RFTN2: variants seen among roughly 807,000 people sequenced by gnomAD.
RFTN2 encodes the protein raftlin family member 2, also known as raftlin-2.
In RFTN2, 34 loss-of-function variants were observed where a neutral mutation model predicts 52.7. That is an observed-to-expected ratio of 0.64 (90% CI 0.49 to 0.86). The LOEUF (loss-of-function observed/expected upper bound fraction) is 0.86, where lower values mean the gene tolerates loss of function less well. Ranked by LOEUF, RFTN2 falls within the 40% of genes least tolerant of loss-of-function variation. RFTN2 has a pLI of 0.00. For missense variants in RFTN2, 536 were observed against 600.1 expected, an observed-to-expected ratio of 0.89 and a Z score of 1.12; for synonymous variants, 203 against 217.7, an observed-to-expected ratio of 0.93 and a Z score of 0.59.
intron 2 of RFTN2, among the ~76,000 whole-genome samples, chr2:197,644,944 T>G (rs2088727744): frequency 6.6e-6 from 1 of 152,228 alleles, no homozygotes; most frequent in Admixed American, 6.5e-5. Context: ...CTGGAATTTT[T>G]TTAAGTCTCT....
intron 1 of RFTN2, among the ~76,000 whole-genome samples, chr2:197,660,161 G>C (rs6737060): frequency 0.68 from 103,534 of 152,014 alleles, 35,590 homozygotes; most frequent in Middle Eastern, 0.85. Context: ...TGCAGAGAAG[G>C]AAAACTTCAT....
intron 1 of RFTN2, among the ~76,000 whole-genome samples, chr2:197,648,116 C>T (rs1419593980): frequency 3.9e-5 from 6 of 152,086 alleles, no homozygotes; most frequent in African/African-American, 7.2e-5. Flanking sequence ...CAAAGAACTG[C>T]GGCTGATTGC....
rs2106154167 is a variant in RFTN2 at position 197,570,746 on chromosome 2, A to T, written c.*1262T>A. The T allele has an allele frequency of 6.6e-6, 1 of 152,334 alleles. No homozygotes were observed. The highest frequency in any genetic ancestry group is 1.5e-5 in the Non-Finnish European group (1 of 68,028). The allele number at this position is 152,334 out of a possible 1,614,324, so 9.4% of individuals were successfully genotyped here. Reference sequence around the variant, plus strand: ...CTCCGTCTCAAAAAAAGCCACAAAAAACCCCCAAACCAAACATATTATATG... The same window carrying T: ...CTCCGTCTCAAAAAAAGCCACAAAATACCCCCAAACCAAACATATTATATG... On this transcript the variant is annotated 3_prime_UTR_variant, in exon 9 of 9. Coordinates refer to ENST00000295049, the MANE Select transcript of RFTN2 (RefSeq NM_144629.3).
At chr2:197,635,385 C>G (rs2088548859) in intron 3 of RFTN2, among the ~76,000 whole-genome samples, 1 of 152,216 alleles carries the variant, frequency 6.6e-6, no homozygotes, top group South Asian at 2.1e-4. Context: ...TCTCCACATC[C>G]TCTCCAGCAT....
intron 3 of RFTN2, among the ~76,000 whole-genome samples, chr2:197,636,342 T>G (rs2088566256): frequency 7.5e-6 from 1 of 133,580 alleles, no homozygotes; most frequent in Admixed American, 7.6e-5. Context: ...TATGGCCATT[T>G]TCACGATATT....
At chr2:197,583,079 G>A (rs1416204030) in intron 8 of RFTN2, among the ~76,000 whole-genome samples, 1 of 152,096 alleles carries the variant, frequency 6.6e-6, no homozygotes, top group African/African-American at 2.4e-5. Context: ...CCTTTTCCAT[G>A]TAGGTTACAA....
At chr2:197,581,826 G>A (rs912443610) in intron 8 of RFTN2, among the ~76,000 whole-genome samples, 10 of 151,912 alleles carry the variant, frequency 6.6e-5, no homozygotes, top group East Asian at 1.9e-4. Context: ...GGATACTTTC[G>A]CCTTTGGATA....
At chr2:197,584,872 T>C (rs1220329772) in intron 8 of RFTN2, among the ~76,000 whole-genome samples, 1 of 152,164 alleles carries the variant, frequency 6.6e-6, no homozygotes, top group Non-Finnish European at 1.5e-5. Flanking sequence ...AGGCTGCTTA[T>C]CTTCTCTTGC....
At chr2:197,574,059 T>C (rs1460623340) in intron 8 of RFTN2, among the ~76,000 whole-genome samples, 2 of 152,210 alleles carry the variant, frequency 1.3e-5, no homozygotes, top group East Asian at 3.8e-4. Flanking sequence ...GGAAGGGAAT[T>C]GTGGGGTGGA....
chr2:197,664,015 C>G (rs954277512), intron 1 of RFTN2, among the ~76,000 whole-genome samples: 1 of 152,132 alleles, frequency 6.6e-6, no homozygotes, highest in Non-Finnish European at 1.5e-5. Context: ...AATATCAAGA[C>G]ATTTTTAAAT....
intron 5 of RFTN2, among the ~76,000 whole-genome samples, chr2:197,618,899 C>T (rs1025723897): frequency 3.3e-5 from 5 of 151,856 alleles, no homozygotes; most frequent in Admixed American, 1.3e-4. Context: ...GCAGCCACCC[C>T]GTCTGGGAAG....
At chr2:197,628,084 T>G (rs377195183) in intron 5 of RFTN2, among the ~76,000 whole-genome samples, 2 of 152,094 alleles carry the variant, frequency 1.3e-5, no homozygotes, top group Non-Finnish European at 2.9e-5. Context: ...GTGCTTTAGA[T>G]GTCAGGCATC....
intron 3 of RFTN2, among the ~76,000 whole-genome samples, chr2:197,642,220 C>T (rs1347264827): frequency 6.6e-6 from 1 of 152,160 alleles, no homozygotes; most frequent in African/African-American, 2.4e-5. Flanking sequence ...GTATTTAACG[C>T]TTGGAAACAA....
chr2:197,617,679 T>C, intron 6 of RFTN2, 121 bp downstream of exon 6: 1 of 306,610 alleles, frequency 3.3e-6, no homozygotes, highest in Non-Finnish European at 5.0e-6. Flanking sequence ...AGGCCCTGAC[T>C]CAAAAAAACA....
chr2:197,589,969 C>T (rs913576774), intron 8 of RFTN2, among the ~76,000 whole-genome samples: 18 of 152,058 alleles, frequency 1.2e-4, no homozygotes, highest in Admixed American at 2.6e-4. Context: ...TACAGTGGCG[C>T]GATCATGGCT....
At chr2:197,622,626 G>A (rs1018266927) in intron 5 of RFTN2, among the ~76,000 whole-genome samples, 11 of 152,232 alleles carry the variant, frequency 7.2e-5, no homozygotes, top group South Asian at 2.1e-4. Flanking sequence ...GATTTTCAGC[G>A]TCAGTAAAAC....
chr2:197,583,357 A>G (rs2087541668), intron 8 of RFTN2, among the ~76,000 whole-genome samples: 1 of 152,222 alleles, frequency 6.6e-6, no homozygotes, highest in Non-Finnish European at 1.5e-5. Flanking sequence ...TCTTTCCCAC[A>G]GGGTCTGAGA....
At chr2:197,572,692 A>G (rs1482387810) in intron 8 of RFTN2, among the ~76,000 whole-genome samples, 1 of 152,196 alleles carries the variant, frequency 6.6e-6, no homozygotes, top group Non-Finnish European at 1.5e-5. Flanking sequence ...TGGCCACCTT[A>G]CACCCATGTC....
intron 8 of RFTN2, among the ~76,000 whole-genome samples, chr2:197,592,912 G>A (rs528610681): frequency 6.6e-6 from 1 of 152,126 alleles, no homozygotes; most frequent in Non-Finnish European, 1.5e-5. Flanking sequence ...GTAAGAAATT[G>A]TTTCCTTAAG....
Sources: allele counts gnomAD v4.1 joint callset (sites outside exome capture counted in the v4.1 genomes callset), GRCh38; gene constraint gnomAD v4.1.1; transcripts MANE v1.5; gene names NCBI Gene and HGNC (gene_info 2026-07-23, HGNC 2026-07-21).